Variants in KHDRBS2 observed in about 807,000 individuals in gnomAD.
KHDRBS2 encodes KH RNA binding domain containing, signal transduction associated 2.
A neutral mutation model predicts 44.3 loss-of-function variants in KHDRBS2; 26 were observed. That is an observed-to-expected ratio of 0.59 (90% CI 0.43 to 0.81). The LOEUF (loss-of-function observed/expected upper bound fraction) is 0.81. Ranked by LOEUF, KHDRBS2 falls within the 40% of genes least tolerant of loss-of-function variation. KHDRBS2 has a pLI of 0.00. For synonymous variants in KHDRBS2, 194 were observed against 151.1 expected, an observed-to-expected ratio of 1.28 and a Z score of -2.08; for missense variants, 476 against 433.1, an observed-to-expected ratio of 1.10 and a Z score of -0.88.
At chr6:61,711,935 A>G (rs1770572380) in intron 7 of KHDRBS2, among the ~76,000 whole-genome samples, 1 of 151,792 alleles carries the variant, frequency 6.6e-6, no homozygotes, top group South Asian at 2.1e-4. Context: ...TACTTAGCTC[A>G]TGTGCTTTTG....
chr6:62,108,905 A>C (rs564098417), intron 2 of KHDRBS2, among the ~76,000 whole-genome samples: 1 of 152,088 alleles, frequency 6.6e-6, no homozygotes, highest in Non-Finnish European at 1.5e-5. Flanking sequence ...ATGAGAACAC[A>C]TGGACACAGG....
chr6:61,795,144 CAAAAA>C (rs1166333660), intron 6 of KHDRBS2, among the ~76,000 whole-genome samples: 1 of 59,668 alleles, frequency 1.7e-5, no homozygotes, highest in Non-Finnish European at 3.2e-5. Flanking sequence ...GACTCCGTCT[CAAAAA>C]AAAAAAAAAA....
intron 4 of KHDRBS2, among the ~76,000 whole-genome samples, chr6:61,954,497 A>G (rs1364782615): frequency 7.5e-6 from 1 of 133,270 alleles, no homozygotes; most frequent in Non-Finnish European, 1.6e-5. Flanking sequence ...GTATGTATGT[A>G]TGCATAATAT....
chr6:62,122,257 G>C (rs1807840775), intron 2 of KHDRBS2, among the ~76,000 whole-genome samples: 1 of 152,134 alleles, frequency 6.6e-6, no homozygotes, highest in African/African-American at 2.4e-5. Context: ...AAGGTCTCTA[G>C]GATTTTGGAG....
intron 6 of KHDRBS2, chr6:61,813,892 C>T (rs1249079105): frequency 6.6e-6 from 3 of 455,664 alleles, no homozygotes; most frequent in Non-Finnish European, 1.3e-5. Flanking sequence ...AGGCACTTTG[C>T]CTCCATTATT....
intron 4 of KHDRBS2, among the ~76,000 whole-genome samples, chr6:61,973,330 C>T (rs572006423): frequency 4.8e-4 from 73 of 152,118 alleles, no homozygotes; most frequent in African/African-American, 1.7e-3. Context: ...TACTTACTTA[C>T]CAGTATGATT....
intron 1 of KHDRBS2, among the ~76,000 whole-genome samples, chr6:62,232,527 A>T: frequency 6.6e-6 from 1 of 152,102 alleles, no homozygotes; most frequent in African/African-American, 2.4e-5. Flanking sequence ...AAAACCACCA[A>T]CAACAACAAA....
intron 2 of KHDRBS2, among the ~76,000 whole-genome samples, chr6:62,142,112 TAGAG>T (rs969143671): frequency 6.6e-6 from 1 of 151,742 alleles, no homozygotes; most frequent in Admixed American, 6.6e-5. Context: ...TTGTGGGAAA[TAGAG>T]AGAGAAGAGT....
At chr6:61,655,760 A>T in the KHDRBS2 span, among the ~76,000 whole-genome samples, 1 of 152,038 alleles carries the variant, frequency 6.6e-6, no homozygotes, top group Non-Finnish European at 1.5e-5. Context: ...TACATGTAAG[A>T]TTTTTTATTT....
intron 6 of KHDRBS2, among the ~76,000 whole-genome samples, chr6:61,829,846 A>T (rs551004015): frequency 6.6e-6 from 1 of 152,276 alleles, no homozygotes; most frequent in Non-Finnish European, 1.5e-5. Flanking sequence ...AACACATCGG[A>T]GTGAGAGAAC....
chr6:61,961,305 A>G (rs567279618), intron 4 of KHDRBS2, among the ~76,000 whole-genome samples: 3 of 152,232 alleles, frequency 2.0e-5, no homozygotes, highest in African/African-American at 7.2e-5. Flanking sequence ...AGAATGTAAT[A>G]GATAATAAAC....
chr6:61,654,097 T>G, the KHDRBS2 span, among the ~76,000 whole-genome samples: 5 of 151,908 alleles, frequency 3.3e-5, no homozygotes, highest in Non-Finnish European at 7.4e-5. Context: ...AACTAACAGG[T>G]CCATACTTCA....
chr6:62,123,685 A>C (rs1808257744), intron 2 of KHDRBS2, among the ~76,000 whole-genome samples: 1 of 152,232 alleles, frequency 6.6e-6, no homozygotes, highest in South Asian at 2.1e-4. Context: ...AGAGAGCATT[A>C]GGCCATAAAT....
At chr6:61,955,575 CGTAT>C (rs528092401) in intron 4 of KHDRBS2, among the ~76,000 whole-genome samples, 3 of 74,480 alleles carry the variant, frequency 4.0e-5, no homozygotes, top group Non-Finnish European at 9.2e-5. Flanking sequence ...TATATATACA[CGTAT>C]GTATGTATGT....
At chr6:61,882,284 G>A (rs184077080) in intron 6 of KHDRBS2, among the ~76,000 whole-genome samples, 247 of 152,076 alleles carry the variant, frequency 1.6e-3, no homozygotes, top group Non-Finnish European at 2.8e-3. Flanking sequence ...AGTTGTATCC[G>A]TACCTCTCCA....
intron 6 of KHDRBS2, among the ~76,000 whole-genome samples, chr6:61,815,040 GT>G (rs560478876): frequency 6.4e-4 from 97 of 151,924 alleles, no homozygotes; most frequent in Middle Eastern, 3.4e-3. Context: ...ATACTGCATT[GT>G]TTAGGAAATA....
intron 6 of KHDRBS2, among the ~76,000 whole-genome samples, chr6:61,818,030 C>A (rs1172676780): frequency 1.3e-5 from 2 of 151,882 alleles, no homozygotes; most frequent in Non-Finnish European, 2.9e-5. Context: ...CGTCTTAAAA[C>A]CCAGAGGCTT....
At chr6:62,014,957 T>C (rs1489332061) in intron 3 of KHDRBS2, among the ~76,000 whole-genome samples, 1 of 152,156 alleles carries the variant, frequency 6.6e-6, no homozygotes, top group Non-Finnish European at 1.5e-5. Flanking sequence ...GCTTTGGTTT[T>C]CTTATGTGGA....
intron 5 of KHDRBS2, among the ~76,000 whole-genome samples, chr6:61,895,730 C>T (rs1035422393): frequency 4.6e-5 from 7 of 151,952 alleles, no homozygotes; most frequent in Non-Finnish European, 1.0e-4. Context: ...GAAAGGTTGG[C>T]CTCTAGATAG....
Sources: allele counts gnomAD v4.1 joint callset (sites outside exome capture counted in the v4.1 genomes callset), GRCh38; gene constraint gnomAD v4.1.1; transcripts MANE v1.5; gene names NCBI Gene and HGNC (gene_info 2026-07-23, HGNC 2026-07-21).